BCAS4: variants seen among roughly 807,000 people sequenced by gnomAD.
The protein encoded by BCAS4 is breast carcinoma amplified sequence 4, also known as breast carcinoma-amplified sequence 4.
Under a neutral mutation model 15.7 loss-of-function variants are expected in BCAS4, and 9 were observed. The ratio of observed to expected loss-of-function variants is 0.57; its 90% CI spans 0.34 to 1.00. The LOEUF is 1.00. BCAS4 is among the 50% of genes least tolerant of loss of function. The pLI, the probability that BCAS4 is intolerant of heterozygous loss-of-function variation, is 0.02. For synonymous variants in BCAS4, 101 were observed against 99.5 expected, an observed-to-expected ratio of 1.02 and a Z score of -0.09; for missense variants, 225 against 239.1, an observed-to-expected ratio of 0.94 and a Z score of 0.39.
At chr20:50,866,454 C>G (rs545486536) in intron 4 of BCAS4, among the ~76,000 whole-genome samples, 2 of 152,352 alleles carry the variant, frequency 1.3e-5, no homozygotes, top group East Asian at 3.9e-4. Context: ...TCACTGCACC[C>G]TGCAGGAATG....
At chr20:50,850,464 C>G (rs1413343973) in intron 4 of BCAS4, among the ~76,000 whole-genome samples, 3 of 152,240 alleles carry the variant, frequency 2.0e-5, no homozygotes, top group African/African-American at 7.2e-5. Flanking sequence ...AACTCGAGAT[C>G]TTTGGGCTAG....
At chr20:50,821,738 T>C (rs1406881590) in intron 2 of BCAS4, among the ~76,000 whole-genome samples, 1 of 152,178 alleles carries the variant, frequency 6.6e-6, no homozygotes, top group Non-Finnish European at 1.5e-5. Flanking sequence ...CAGATAAAAT[T>C]AGGCTGTTAG....
At chr20:50,852,256 G>A (rs914676600) in intron 4 of BCAS4, among the ~76,000 whole-genome samples, 2 of 152,204 alleles carry the variant, frequency 1.3e-5, no homozygotes, top group African/African-American at 4.8e-5. Flanking sequence ...GCAAGGCCCT[G>A]AGTGATGCAG....
intron 1 of BCAS4, among the ~76,000 whole-genome samples, chr20:50,795,759 T>TA (rs2087848426): frequency 6.6e-6 from 1 of 152,258 alleles, no homozygotes; most frequent in Admixed American, 6.5e-5. Context: ...ATTCTCTTTT[T>TA]AAACCACAAA....
rs569438608 is a variant in BCAS4, at chr20:50,839,240, T to C, written c.265-2526T>C. Among the ~76,000 whole-genome samples the C allele has an allele frequency of 1.1e-4, 17 of 152,370 alleles. No individual in the cohort carries two copies. The East Asian group carries it at 3.3e-3, about 29-fold the overall frequency. The stretch of plus-strand genomic sequence containing the variant: ...CCCACCTCTGCTGCCTTTAGCCATG[T>C]ACACACGTGCATACGCACACTAACA... On this transcript the variant is annotated intron_variant, in intron 3 of 4. Transcript: ENST00000371608.
chr20:50,841,109 C>T (rs188292657), intron 3 of BCAS4, among the ~76,000 whole-genome samples: 4 of 152,296 alleles, frequency 2.6e-5, no homozygotes, highest in South Asian at 2.1e-4. Context: ...GGATTACAGG[C>T]GTGAGCCACC....
intron 1 of BCAS4, among the ~76,000 whole-genome samples, chr20:50,796,658 C>G (rs1288530614): frequency 6.7e-6 from 1 of 149,302 alleles, no homozygotes; most frequent in Non-Finnish European, 1.5e-5. Flanking sequence ...CCATGCTCAG[C>G]TAATTTTTGT....
chr20:50,815,037 G>A (rs926565582), intron 1 of BCAS4, among the ~76,000 whole-genome samples: 3 of 152,182 alleles, frequency 2.0e-5, no homozygotes, highest in African/African-American at 4.8e-5. Flanking sequence ...TGTTAAATCA[G>A]TTAGCCACAT....
chr20:50,856,496 G>A lies in BCAS4; in HGVS notation c.399+14596G>A, dbSNP rs376893291. Among the ~76,000 whole-genome samples, 266 of 152,330 alleles carry A rather than the reference G, an allele frequency of 1.7e-3. 3 individuals carry two copies. The highest frequency in any genetic ancestry group is 6.8e-3 in the Middle Eastern group (2 of 294). On this transcript the variant is annotated intron_variant, in intron 4 of 4. Transcript: ENST00000371608. ...ATGGAGTGAGAAGCTGGAGCAGGGA[G>A]GTGGCTGTTTCGGGGCTGGGCATCT...
At chr20:50,871,399 C>T (rs553588497) in intron 4 of BCAS4, among the ~76,000 whole-genome samples, 1 of 152,232 alleles carries the variant, frequency 6.6e-6, no homozygotes, top group Non-Finnish European at 1.5e-5. Flanking sequence ...CGTCTGCAGC[C>T]GGACAGCCCT....
chr20:50,858,930 A>ATTG (rs1052264659), intron 4 of BCAS4, among the ~76,000 whole-genome samples: 2 of 145,432 alleles, frequency 1.4e-5, no homozygotes, highest in Admixed American at 6.8e-5. Context: ...TCTTGCTATT[A>ATTG]TTATTATTAT....
chr20:50,875,042 C>T (rs1568689424), intron 4 of BCAS4, among the ~76,000 whole-genome samples: 9 of 152,304 alleles, frequency 5.9e-5, no homozygotes, highest in Middle Eastern at 3.4e-3. Flanking sequence ...GGAGCCCTCT[C>T]CTTCTTCTGG....
intron 4 of BCAS4, among the ~76,000 whole-genome samples, chr20:50,848,197 A>C (rs2088570823): frequency 6.6e-6 from 1 of 152,158 alleles, no homozygotes; most frequent in African/African-American, 2.4e-5. Flanking sequence ...TCAAGGCTGC[A>C]GTGAGTCGAG....
In BCAS4 at chr20:50,876,054, G is replaced by T. The variant is rs533380214; in HGVS notation, c.400-432G>T. On this transcript the variant is annotated intron_variant, in intron 4 of 4. Transcript: ENST00000371608. ...CAACCTCCGCCTCCCGGGTTCAAGT[G>T]ATTCTCCTGCCTCCGCCTCCCAAGT... 5.6e-4 allele frequency: 257 copies of T among 455,656 alleles called. 1 individual carries two copies. The highest frequency in any genetic ancestry group is 4.4e-3 in the African/African-American group (220 of 50,154). 28.2% of individuals were successfully genotyped at this position (455,656 alleles called of 1,614,324 possible).
chr20:50,870,881 C>T (rs371542534), intron 4 of BCAS4, among the ~76,000 whole-genome samples: 6 of 152,080 alleles, frequency 3.9e-5, no homozygotes, highest in South Asian at 4.1e-4. Context: ...GTGGCAGAGG[C>T]GGGCCTTGGG....
Position 50,875,665 on chromosome 20 carries a change from C to T in BCAS4, c.400-821C>T, listed in dbSNP as rs1044722430. 4.6e-5 allele frequency among the ~76,000 whole-genome samples: 7 copies of T among 151,746 alleles called. No homozygotes were observed. In the South Asian group the frequency reaches 6.2e-4, roughly 14 times the overall value. ...GCGTGGTGGTGCACGCCTATAATCC[C>T]GGTTAACTCAGGAGACTGAGGCAGG... is the stretch of plus-strand genomic sequence containing the variant. On this transcript the variant is annotated intron_variant, in intron 4 of 4. Transcript: ENST00000371608.
At chr20:50,852,920 G>A (rs1420099168) in intron 4 of BCAS4, among the ~76,000 whole-genome samples, 1 of 152,102 alleles carries the variant, frequency 6.6e-6, no homozygotes, top group Non-Finnish European at 1.5e-5. Context: ...CTCAGCGGGG[G>A]ACATCATCAA....
At chr20:50,794,948 C>T, upstream of BCAS4, 1 of 1,184,076 alleles carries the variant, frequency 8.4e-7, no homozygotes, top group South Asian at 4.2e-5. Context: ...GAGCCGCGAC[C>T]GCCGGGAGCG....
chr20:50,876,155 T>A, intron 4 of BCAS4: 1 of 389,276 alleles, frequency 2.6e-6, no homozygotes, highest in South Asian at 2.0e-5. Flanking sequence ...TTGACTGTGT[T>A]GGCCAGGCTG....
Sources: gnomAD v4.1 joint callset for allele counts (sites outside exome capture counted in the v4.1 genomes callset) on GRCh38, gnomAD v4.1.1 for gene constraint, MANE v1.5 for transcripts, NCBI Gene and HGNC (gene_info 2026-07-23, HGNC 2026-07-21) for gene names.